Variants in CHSY3 observed in about 807,000 individuals in gnomAD.
The protein encoded by CHSY3 is N-acetylgalactosaminyl-proteoglycan 3-beta-glucuronosyltransferase 3.
Under a neutral mutation model 67.2 loss-of-function variants are expected in CHSY3, and 35 were observed. The observed-to-expected ratio is 0.52, with a 90% CI of 0.40 to 0.69. The LOEUF (loss-of-function observed/expected upper bound fraction) is 0.69. Ranked by LOEUF, CHSY3 falls within the 30% of genes least tolerant of loss-of-function variation. CHSY3 has a pLI of 0.00. For synonymous variants in CHSY3, 474 were observed against 434.7 expected (o/e 1.09, Z -1.12); for missense variants, 1,069 against 1,138.5 (o/e 0.94, Z 0.88).
intron 2 of CHSY3, among the ~76,000 whole-genome samples, chr5:130,128,929 AG>A (rs1381435219): frequency 6.7e-6 from 1 of 150,208 alleles, no homozygotes. Flanking sequence ...CAAAAATGTG[AG>A]GTTTTTTTTT....
At chr5:130,052,249 T>C (rs942017885) in intron 2 of CHSY3, 7 of 152,098 alleles carry the variant, frequency 4.6e-5, no homozygotes, top group Admixed American at 3.9e-4. Context: ...CAAGAACCCA[T>C]CCAATAATCT....
At chr5:130,087,442 T>C (rs1020373062) in intron 2 of CHSY3, among the ~76,000 whole-genome samples, 10 of 152,086 alleles carry the variant, frequency 6.6e-5, no homozygotes, top group African/African-American at 2.2e-4. Context: ...TGTTTGCAGA[T>C]GACATGATTG....
chr5:129,922,277 G>A (rs559258813), intron 2 of CHSY3, among the ~76,000 whole-genome samples: 151 of 152,282 alleles, frequency 9.9e-4, no homozygotes, highest in African/African-American at 3.6e-3. Context: ...GCTATTGTGG[G>A]TAATTCCGTA....
intron 2 of CHSY3, among the ~76,000 whole-genome samples, chr5:130,143,786 A>ATATATATATATATATATGTGTG (rs1768970311): frequency 4.3e-4 from 12 of 28,138 alleles, no homozygotes; most frequent in South Asian, 1.2e-3. Context: ...ATATATGTGT[A>ATATATATATATATATATGTGTG]TATATATATA....
chr5:130,095,382 A>G (rs1003598407), intron 2 of CHSY3, among the ~76,000 whole-genome samples: 7 of 152,202 alleles, frequency 4.6e-5, no homozygotes, highest in African/African-American at 1.7e-4. Flanking sequence ...GCTATACTGG[A>G]AAGTGCCAGG....
intron 2 of CHSY3, among the ~76,000 whole-genome samples, chr5:129,957,371 A>T (rs372878886): frequency 6.2e-5 from 1 of 16,042 alleles, no homozygotes; most frequent in Non-Finnish European, 9.7e-5. Context: ...TTGAGCCGAG[A>T]CTGGGGTTTT....
At chr5:129,960,135 C>A (rs1762288925) in intron 2 of CHSY3, among the ~76,000 whole-genome samples, 1 of 152,072 alleles carries the variant, frequency 6.6e-6, no homozygotes, top group Admixed American at 6.6e-5. Flanking sequence ...CTTAGCACAT[C>A]TTCCTATCAT....
intron 2 of CHSY3, among the ~76,000 whole-genome samples, chr5:129,927,180 C>T (rs1233370306): frequency 2.0e-5 from 3 of 151,458 alleles, no homozygotes; most frequent in African/African-American, 7.3e-5. Flanking sequence ...TTCTTTATGC[C>T]TCTAATATTT....
At chr5:130,168,884 ATAGT>A (rs1253958185) in intron 2 of CHSY3, among the ~76,000 whole-genome samples, 1 of 152,108 alleles carries the variant, frequency 6.6e-6, no homozygotes, top group African/African-American at 2.4e-5. Flanking sequence ...CCGTCACTAA[ATAGT>A]TAGCTCCATG....
intron 2 of CHSY3, among the ~76,000 whole-genome samples, chr5:130,069,907 A>G (rs1299050984): frequency 1.3e-5 from 2 of 152,084 alleles, no homozygotes; most frequent in African/African-American, 4.8e-5. Flanking sequence ...GATAATTTTC[A>G]TATCTCACTA....
intron 2 of CHSY3, among the ~76,000 whole-genome samples, chr5:129,957,433 T>A (rs1314490525): frequency 2.0e-5 from 3 of 152,156 alleles, no homozygotes; most frequent in African/African-American, 7.2e-5. Context: ...ACTTCTCTCC[T>A]CCTATTTGAA....
chr5:130,001,631 G>T, intron 2 of CHSY3: 1 of 845,708 alleles, frequency 1.2e-6, no homozygotes, highest in Non-Finnish European at 1.4e-6. Flanking sequence ...GTTGCTTCTA[G>T]TTAAGGAGTA....
chr5:130,089,581 G>A (rs78013648), intron 2 of CHSY3, among the ~76,000 whole-genome samples: 2 of 152,042 alleles, frequency 1.3e-5, no homozygotes, highest in Non-Finnish European at 2.9e-5. Flanking sequence ...TTTGTGACAG[G>A]AGAAACACAA....
At chr5:129,929,762 T>G (rs1041354568) in intron 2 of CHSY3, among the ~76,000 whole-genome samples, 2 of 152,190 alleles carry the variant, frequency 1.3e-5, no homozygotes, top group African/African-American at 4.8e-5. Context: ...TTTACATTTC[T>G]TTATATTGTT....
chr5:130,109,344 A>T (rs1383333290), intron 2 of CHSY3, among the ~76,000 whole-genome samples: 1 of 151,614 alleles, frequency 6.6e-6, no homozygotes, highest in Non-Finnish European at 1.5e-5. Context: ...CTTCATTTCC[A>T]CTAGGGGGTG....
intron 2 of CHSY3, among the ~76,000 whole-genome samples, chr5:129,948,301 A>G (rs926717366): frequency 1.3e-5 from 2 of 152,164 alleles, no homozygotes; most frequent in African/African-American, 2.4e-5. Context: ...AGTATATGTT[A>G]TACCCACTTT....
chr5:130,091,467 C>T (rs1167030733), intron 2 of CHSY3, among the ~76,000 whole-genome samples: 2 of 152,154 alleles, frequency 1.3e-5, no homozygotes, highest in African/African-American at 4.8e-5. Flanking sequence ...ATTGCCTTAT[C>T]TGCAAAACAG....
chr5:130,004,311 A>G (rs2149641574), intron 2 of CHSY3, among the ~76,000 whole-genome samples: 1 of 152,294 alleles, frequency 6.6e-6, no homozygotes, highest in East Asian at 1.9e-4. Flanking sequence ...ATAATGAATA[A>G]TGCAATGTCT....
chr5:130,015,368 T>A (rs1052989028), intron 2 of CHSY3, among the ~76,000 whole-genome samples: 1 of 151,988 alleles, frequency 6.6e-6, no homozygotes, highest in Non-Finnish European at 1.5e-5. Context: ...AATGGACTAA[T>A]ACAGGAACTT....
Sources: gnomAD v4.1 joint callset for allele counts (sites outside exome capture counted in the v4.1 genomes callset) on GRCh38, gnomAD v4.1.1 for gene constraint, MANE v1.5 for transcripts, NCBI Gene and HGNC (gene_info 2026-07-23, HGNC 2026-07-21) for gene names.